The following ULK4 variants were observed in gnomAD, a reference collection of about 807,000 sequenced individuals.
ULK4 encodes the protein inactive serine/threonine-protein kinase ULK4.
In ULK4, 133 loss-of-function variants were observed where a neutral mutation model predicts 160.6. That is an observed-to-expected ratio of 0.83 (90% CI 0.72 to 0.96). The LOEUF is 0.96. Among genes scored for constraint, ULK4 ranks in the 40% least tolerant of loss-of-function variants. The pLI, the probability that ULK4 is intolerant of heterozygous loss-of-function variation, is 0.00. For synonymous variants in ULK4, 534 were observed against 539.8 expected (o/e 0.99, Z 0.15); for missense variants, 1,580 against 1,499.5 (o/e 1.05, Z -0.89).
intron 2 of ULK4, among the ~76,000 whole-genome samples, chr3:41,945,766 C>T (rs560458476): frequency 2.6e-5 from 4 of 152,286 alleles, no homozygotes; most frequent in South Asian, 2.1e-4. Context: ...CCAGTGGGCA[C>T]CCAAAATTAA....
At chr3:41,633,319 T>C (rs775051725) in intron 30 of ULK4, among the ~76,000 whole-genome samples, 8 of 152,142 alleles carry the variant, frequency 5.3e-5, no homozygotes, top group Non-Finnish European at 1.2e-4. Flanking sequence ...TTTCATGATA[T>C]ATGAAAACTG....
intron 17 of ULK4, among the ~76,000 whole-genome samples, chr3:41,843,702 T>C (rs1379536696): frequency 6.6e-6 from 1 of 152,268 alleles, no homozygotes; most frequent in African/African-American, 2.4e-5. Flanking sequence ...GCAAGATTTA[T>C]TGCAAAGAGC....
intron 32 of ULK4, among the ~76,000 whole-genome samples, chr3:41,471,429 G>A (rs536397501): frequency 3.3e-5 from 5 of 152,016 alleles, no homozygotes; most frequent in Admixed American, 6.6e-5. Flanking sequence ...TTATAGCAAT[G>A]GAAAAATCAT....
intron 35 of ULK4, among the ~76,000 whole-genome samples, chr3:41,353,693 T>TAA (rs1559540331): frequency 1.3e-4 from 15 of 115,340 alleles, no homozygotes; most frequent in African/African-American, 5.4e-4. Context: ...ATAATAATAA[T>TAA]TACAATTACT....
At position 41,455,484 on chromosome 3, in the gene ULK4, G is replaced by A. The variant is rs1317043426; in HGVS notation, c.3492+13C>T. ...TCAGTAATGCCCCAAAAGACATACA[G>A]GTGAGCTCTTACCAGTGGAATGAGC... On this transcript the variant is annotated intron_variant, in intron 34 of 36. Transcript: ENST00000301831. The A allele has an allele frequency of 2.5e-6, 4 of 1,611,950 alleles. No individual in the cohort carries two copies. In the Admixed American group the frequency reaches 6.7e-5, roughly 27 times the overall value.
intron 31 of ULK4, among the ~76,000 whole-genome samples, chr3:41,601,346 A>T (rs2032047553): frequency 6.6e-6 from 1 of 152,230 alleles, no homozygotes; most frequent in African/African-American, 2.4e-5. Context: ...AAACTGTCAG[A>T]GAATAAATGG....
chr3:41,363,967 G>A lies in ULK4; in HGVS notation c.3678+34112C>T, dbSNP rs141336033. The stretch of plus-strand genomic sequence containing the variant: ...TTCTGTAGATACAGGGTCTCACTCT[G>A]TTGCCCAGGCTGGAGTGCAGTGGTG... On this transcript the variant is annotated intron_variant, in intron 35 of 36. Transcript: ENST00000301831. Among the ~76,000 whole-genome samples the A allele has an allele frequency of 6.8e-3, 1,019 of 150,538 alleles. 11 individuals are homozygous for A. Among genetic ancestry groups the A allele is most frequent in the African/African-American group, 0.024 (975 of 40,814 alleles).
chr3:41,625,127 G>C (rs1215585473), intron 30 of ULK4, among the ~76,000 whole-genome samples: 3 of 152,142 alleles, frequency 2.0e-5, no homozygotes. Context: ...TCAATAAGTG[G>C]ACAATGAGAT....
intron 19 of ULK4, among the ~76,000 whole-genome samples, chr3:41,808,767 TCA>T (rs1362950092): frequency 3.3e-5 from 5 of 152,242 alleles, no homozygotes; most frequent in African/African-American, 1.2e-4. Context: ...GCCTTGCCTC[TCA>T]TTTTTTTTGT....
chr3:41,358,768 G>A (rs140194468), intron 35 of ULK4, among the ~76,000 whole-genome samples: 11 of 152,268 alleles, frequency 7.2e-5, no homozygotes, highest in East Asian at 5.8e-4. Flanking sequence ...ATTTTACTCC[G>A]AGATGGACAG....
chr3:41,471,803 A>T (rs1306513064), intron 32 of ULK4, among the ~76,000 whole-genome samples: 2 of 152,136 alleles, frequency 1.3e-5, no homozygotes, highest in East Asian at 3.8e-4. Context: ...AAATTGAGAC[A>T]AATGAAAATG....
chr3:41,352,740 C>T (rs763807431), intron 35 of ULK4, among the ~76,000 whole-genome samples: 1 of 152,126 alleles, frequency 6.6e-6, no homozygotes, highest in African/African-American at 2.4e-5. Context: ...CCTTGGACTA[C>T]GTTCCCAGCC....
chr3:41,780,985 G>A (rs1007455673), intron 21 of ULK4, among the ~76,000 whole-genome samples: 1 of 152,022 alleles, frequency 6.6e-6, no homozygotes, highest in African/African-American at 2.4e-5. Flanking sequence ...TATAAAGAAA[G>A]AGAGGTAAAC....
intron 35 of ULK4, among the ~76,000 whole-genome samples, chr3:41,286,636 A>T (rs973809844): frequency 2.0e-5 from 3 of 152,148 alleles, no homozygotes; most frequent in African/African-American, 7.2e-5. Context: ...ACGACTAGGG[A>T]AAAAGGGAGG....
At chr3:41,789,997 A>C (rs925091078) in intron 20 of ULK4, among the ~76,000 whole-genome samples, 154 bp from the exon 21 acceptor site, 4 of 152,248 alleles carry the variant, frequency 2.6e-5, no homozygotes, top group African/African-American at 9.6e-5. Flanking sequence ...AATTTTCAAC[A>C]AACTTAAAAA....
intron 20 of ULK4, among the ~76,000 whole-genome samples, chr3:41,796,038 C>T (rs780502355): frequency 2.0e-5 from 3 of 152,054 alleles, no homozygotes; most frequent in Non-Finnish European, 2.9e-5. Context: ...CTAACCTTCC[C>T]GCCCAGTATC....
At chr3:41,523,714 G>T (rs989239226) in intron 32 of ULK4, among the ~76,000 whole-genome samples, 1 of 152,124 alleles carries the variant, frequency 6.6e-6, no homozygotes, top group East Asian at 1.9e-4. Context: ...TCAGAAAACA[G>T]TCTGGCAGTT....
At chr3:41,696,968 A>G (rs1349862207) in intron 27 of ULK4, among the ~76,000 whole-genome samples, 1 of 152,188 alleles carries the variant, frequency 6.6e-6, no homozygotes, top group Non-Finnish European at 1.5e-5. Flanking sequence ...AAGGCAAGGA[A>G]GGAGATCCTT....
intron 32 of ULK4, among the ~76,000 whole-genome samples, chr3:41,560,023 C>T (rs915913069): frequency 6.6e-6 from 1 of 152,066 alleles, no homozygotes; most frequent in African/African-American, 2.4e-5. Flanking sequence ...AGTCTTTAAT[C>T]CATCTTGAAT....
Sources: gnomAD v4.1 joint callset for allele counts (sites outside exome capture counted in the v4.1 genomes callset) on GRCh38, gnomAD v4.1.1 for gene constraint, MANE v1.5 for transcripts, NCBI Gene and HGNC (gene_info 2026-07-23, HGNC 2026-07-21) for gene names.